Variants in NEGR1 observed in about 807,000 individuals in gnomAD.
NEGR1 encodes IgLON family member 4.
NEGR1 carries 10 observed loss-of-function variants against 40.9 expected under a neutral mutation model. The ratio of observed to expected loss-of-function variants is 0.24; its 90% confidence interval spans 0.15 to 0.42. The LOEUF (loss-of-function observed/expected upper bound fraction) is 0.42, where lower values mean the gene tolerates loss of function less well. Among genes scored for constraint, NEGR1 ranks in the 10% least tolerant of loss-of-function variants. The pLI, the probability that NEGR1 is intolerant of heterozygous loss-of-function variation, is 1.00. For missense variants in NEGR1, 352 were observed against 438.9 expected, an observed-to-expected ratio of 0.80 and a Z score of 1.77; for synonymous variants, 185 against 166.8, an observed-to-expected ratio of 1.11 and a Z score of -0.84.
At chr1:72,069,402 C>A (rs1481323687) in intron 1 of NEGR1, among the ~76,000 whole-genome samples, 3 of 151,760 alleles carry the variant, frequency 2.0e-5, no homozygotes, top group Non-Finnish European at 4.4e-5. Context: ...CAGGATTGGG[C>A]CACTGCACTC....
chr1:71,918,254 A>AAG (rs1661658894), intron 2 of NEGR1, among the ~76,000 whole-genome samples: 2 of 132,556 alleles, frequency 1.5e-5, no homozygotes, highest in Non-Finnish European at 3.2e-5. Context: ...AAAAAAAAAA[A>AAG]AAGAAGAAGA....
chr1:71,562,062 C>T (rs1297448074), intron 6 of NEGR1, among the ~76,000 whole-genome samples: 5 of 151,132 alleles, frequency 3.3e-5, no homozygotes, highest in African/African-American at 7.3e-5. Context: ...CATGAAGATC[C>T]GCTAATAATG....
chr1:71,865,111 G>T (rs1257638283), intron 2 of NEGR1, among the ~76,000 whole-genome samples: 4 of 152,118 alleles, frequency 2.6e-5, no homozygotes, highest in African/African-American at 9.7e-5. Flanking sequence ...AGGATAAAAT[G>T]ATTAGAACTT....
intron 1 of NEGR1, among the ~76,000 whole-genome samples, chr1:72,044,303 A>C (rs577171999): frequency 6.6e-6 from 1 of 151,260 alleles, no homozygotes; most frequent in Non-Finnish European, 1.5e-5. Context: ...AAATGCAATA[A>C]AACAAAGTTA....
At chr1:71,906,623 G>C (rs1353206687) in intron 2 of NEGR1, among the ~76,000 whole-genome samples, 3 of 151,778 alleles carry the variant, frequency 2.0e-5, no homozygotes, top group African/African-American at 7.3e-5. Context: ...TTTGATCAAT[G>C]AAAGAGTTTA....
intron 1 of NEGR1, among the ~76,000 whole-genome samples, chr1:72,272,913 A>G (rs1015710550): frequency 2.0e-5 from 3 of 152,012 alleles, no homozygotes; most frequent in African/African-American, 7.2e-5. Flanking sequence ...GCAACATTTA[A>G]TTCTGGCAAC....
chr1:72,187,315 T>TA (rs1367292091), intron 1 of NEGR1, among the ~76,000 whole-genome samples: 2 of 151,534 alleles, frequency 1.3e-5, no homozygotes, highest in Non-Finnish European at 3.0e-5. Flanking sequence ...TAATTTGTAT[T>TA]AGACTTTTTT....
At chr1:71,673,156 G>A (rs535977156) in intron 4 of NEGR1, among the ~76,000 whole-genome samples, 6 of 152,114 alleles carry the variant, frequency 3.9e-5, no homozygotes, top group East Asian at 1.9e-4. Context: ...GGAGAATGGC[G>A]TGAATCCAGG....
At chr1:72,055,007 C>T (rs1647097607) in intron 1 of NEGR1, among the ~76,000 whole-genome samples, 1 of 151,036 alleles carries the variant, frequency 6.6e-6, no homozygotes, top group Non-Finnish European at 1.5e-5. Flanking sequence ...ACACTTATAG[C>T]ACGTCTCATC....
chr1:71,788,461 G>A (rs1399500542), intron 2 of NEGR1, among the ~76,000 whole-genome samples: 1 of 151,940 alleles, frequency 6.6e-6, no homozygotes, highest in African/African-American at 2.4e-5. Flanking sequence ...AAAAAGTTGT[G>A]TTTTAAATTA....
At chr1:72,208,101 T>C (rs541370277) in intron 1 of NEGR1, among the ~76,000 whole-genome samples, 3 of 151,804 alleles carry the variant, frequency 2.0e-5, no homozygotes, top group East Asian at 3.9e-4. Context: ...GATCCTGTCA[T>C]CTGGGCATAT....
chr1:71,654,351 G>A (rs72677177), intron 4 of NEGR1, among the ~76,000 whole-genome samples: 47,301 of 151,914 alleles, frequency 0.31, 8,629 homozygotes, highest in Middle Eastern at 0.46. Flanking sequence ...ATATTAATGT[G>A]CCAATATTGT....
chr1:71,560,463 C>T (rs1227258380), intron 6 of NEGR1, among the ~76,000 whole-genome samples: 4 of 86,684 alleles, frequency 4.6e-5, no homozygotes, highest in Non-Finnish European at 1.0e-4. Flanking sequence ...ATATATATTT[C>T]CAATTAACCA....
chr1:72,260,523 G>A (rs1224042868), intron 1 of NEGR1, among the ~76,000 whole-genome samples: 2 of 151,956 alleles, frequency 1.3e-5, no homozygotes, highest in Admixed American at 6.6e-5. Context: ...TGGCACATAG[G>A]GTTAAGCACT....
At chr1:71,888,149 T>G (rs1294811365) in intron 2 of NEGR1, among the ~76,000 whole-genome samples, 1 of 152,204 alleles carries the variant, frequency 6.6e-6, no homozygotes, top group African/African-American at 2.4e-5. Context: ...TTTTATTTTT[T>G]TTCTTCTAAC....
intron 1 of NEGR1, among the ~76,000 whole-genome samples, chr1:72,172,935 C>A (rs12126162): frequency 0.21 from 31,430 of 151,998 alleles, 3,779 homozygotes; most frequent in South Asian, 0.28. Flanking sequence ...CTTGTGATTA[C>A]CTTGTGCCCA....
chr1:71,483,223 T>G lies in NEGR1; in HGVS notation c.941-75653A>C, dbSNP rs549084787. The stretch of plus-strand genomic sequence containing the variant: ...AAAGCCCAGTTTGATTGAAGAAGAG[T>G]GGCAAACAGAAAAAAAAAATAGAAA... On this transcript the variant is annotated intron_variant, in intron 6 of 6. Transcript: ENST00000357731. Among the ~76,000 whole-genome samples, 790 of 149,860 alleles carry G rather than the reference T, an allele frequency of 5.3e-3. 11 individuals are homozygous for G. The Middle Eastern group carries it at 0.1, about 19-fold the overall frequency.
chr1:72,236,327 A>G (rs1654543664), intron 1 of NEGR1, among the ~76,000 whole-genome samples: 1 of 152,016 alleles, frequency 6.6e-6, no homozygotes, highest in Non-Finnish European at 1.5e-5. Context: ...GAAATACCTA[A>G]TGTAGATAAC....
chr1:71,598,195 C>T (rs1192363740), intron 5 of NEGR1, among the ~76,000 whole-genome samples: 1 of 152,108 alleles, frequency 6.6e-6, no homozygotes, highest in Non-Finnish European at 1.5e-5. Context: ...AACTGACATT[C>T]AAATCGCTAA....
Sources: gnomAD v4.1 joint callset for allele counts (sites outside exome capture counted in the v4.1 genomes callset) on GRCh38, gnomAD v4.1.1 for gene constraint, MANE v1.5 for transcripts, NCBI Gene and HGNC (gene_info 2026-07-23, HGNC 2026-07-21) for gene names.